Variants in TTC7B observed in about 807,000 individuals in gnomAD.
The protein encoded by TTC7B is tetratricopeptide repeat protein 7B.
TTC7B carries 28 observed loss-of-function variants against 106.8 expected under a neutral mutation model. The ratio of observed to expected loss-of-function variants is 0.26; its 90% confidence interval spans 0.19 to 0.36. The LOEUF (loss-of-function observed/expected upper bound fraction) is 0.36. Among genes scored for constraint, TTC7B ranks in the 10% least tolerant of loss-of-function variants. The probability of loss-of-function intolerance (pLI) is 1.00; values close to 1 mark genes in which losing one functional copy is unlikely to be tolerated. For missense variants in TTC7B, 862 were observed against 1,076.4 expected (o/e 0.80, Z 2.79); for synonymous variants, 405 against 430.6 (o/e 0.94, Z 0.74).
intron 9 of TTC7B, among the ~76,000 whole-genome samples, chr14:90,675,572 A>C (rs28545431): frequency 0.029 from 4,340 of 152,226 alleles, 209 homozygotes; most frequent in African/African-American, 0.1. Context: ...AGAGTCACCA[A>C]ACCATGGACT....
intron 15 of TTC7B, among the ~76,000 whole-genome samples, chr14:90,640,106 C>A (rs4900054): frequency 0.29 from 44,291 of 152,022 alleles, 7,847 homozygotes; most frequent in East Asian, 0.48. Context: ...TGGTGAAACC[C>A]CATCACTACA....
chr14:90,784,826 G>A (rs1045884719), intron 2 of TTC7B, among the ~76,000 whole-genome samples: 2 of 152,046 alleles, frequency 1.3e-5, no homozygotes, highest in South Asian at 2.1e-4. Flanking sequence ...TTGAGATGAC[G>A]CTCTCCAGCC....
At chr14:90,801,970 A>G (rs1419150801) in intron 1 of TTC7B, among the ~76,000 whole-genome samples, 1 of 152,038 alleles carries the variant, frequency 6.6e-6, no homozygotes, top group Non-Finnish European at 1.5e-5. Context: ...CTGAGGCAGG[A>G]GAATCGCTTG....
chr14:90,772,379 C>G (rs180746810), intron 3 of TTC7B, among the ~76,000 whole-genome samples: 1 of 152,246 alleles, frequency 6.6e-6, no homozygotes, highest in Admixed American at 6.5e-5. Flanking sequence ...ATACTTCATC[C>G]ATACTATGAA....
At chr14:90,814,899 T>G (rs76613249) in intron 1 of TTC7B, among the ~76,000 whole-genome samples, 2,341 of 152,246 alleles carry the variant, frequency 0.015, 19 homozygotes, top group African/African-American at 0.026. Context: ...CCATGGCACC[T>G]GCGTTCACCC....
chr14:90,804,616 G>A (rs2030494289), intron 1 of TTC7B, among the ~76,000 whole-genome samples: 1 of 152,236 alleles, frequency 6.6e-6, no homozygotes, highest in Admixed American at 6.5e-5. Flanking sequence ...CAAGCCAGCT[G>A]CAAAGGGTCT....
At chr14:90,601,791 G>A (rs139351320) in intron 17 of TTC7B, among the ~76,000 whole-genome samples, 261 of 152,228 alleles carry the variant, frequency 1.7e-3, no homozygotes, top group African/African-American at 5.9e-3. Context: ...CACCTGACTC[G>A]CCCTTAAAAC....
At chr14:90,736,274 T>C (rs994777196) in intron 4 of TTC7B, among the ~76,000 whole-genome samples, 1 of 152,104 alleles carries the variant, frequency 6.6e-6, no homozygotes, top group Non-Finnish European at 1.5e-5. Flanking sequence ...TTTTGTTTTC[T>C]GTTTTTTTAA....
rs1889202915 is a variant in TTC7B, at chr14:90,528,573, T to C, written c.*12795A>G. The C allele has an allele frequency of 6.5e-6, 1 of 152,872 alleles. No homozygotes were observed. Among genetic ancestry groups the C allele is most frequent in the Non-Finnish European group, 1.5e-5 (1 of 68,610 alleles). 9.5% of individuals were successfully genotyped at this position (152,872 alleles called of 1,614,324 possible). A position where few individuals can be genotyped will look rare whatever the true frequency, so the allele number is the denominator to read the frequency against. On this transcript the variant is annotated 3_prime_UTR_variant, in exon 20 of 20. Coordinates refer to ENST00000328459, the MANE Select transcript of TTC7B (RefSeq NM_001010854.2). ...TACCTGTTTTGATGGTTGTTTCTGA[T>C]GGCGTGACCCAACTGTGCCTCGTTA... is the stretch of plus-strand genomic sequence containing the variant.
intron 17 of TTC7B, chr14:90,603,375 A>G (rs1039329865): frequency 1.8e-6 from 2 of 1,100,512 alleles, no homozygotes; most frequent in Non-Finnish European, 2.4e-6. Context: ...ATTAAGACTA[A>G]AAAAGCGAAC....
intron 19 of TTC7B, 80 bp from the exon 20 acceptor site, chr14:90,541,669 C>T (rs1462749736): frequency 8.5e-7 from 1 of 1,170,640 alleles, no homozygotes; most frequent in African/African-American, 1.5e-5. Flanking sequence ...CTCGAGTTTC[C>T]AGTCAGTTCC....
chr14:90,545,863 G>A (rs1889807925), intron 19 of TTC7B, among the ~76,000 whole-genome samples: 1 of 152,216 alleles, frequency 6.6e-6, no homozygotes, highest in South Asian at 2.1e-4. Flanking sequence ...GTGCTCTGGT[G>A]TTCTAGGGTT....
At chr14:90,773,529 C>T (rs776449935) in intron 3 of TTC7B, among the ~76,000 whole-genome samples, 1 of 152,198 alleles carries the variant, frequency 6.6e-6, no homozygotes, top group Non-Finnish European at 1.5e-5. Flanking sequence ...CGGGATTGTT[C>T]TCAGGATAAG....
At chr14:90,731,633 C>T (rs934771924) in intron 4 of TTC7B, among the ~76,000 whole-genome samples, 4 of 152,150 alleles carry the variant, frequency 2.6e-5, no homozygotes, top group Admixed American at 6.5e-5. Context: ...CCTGACTCTC[C>T]GGGAGTTCCT....
chr14:90,717,836 G>C (rs1162342684), intron 5 of TTC7B, among the ~76,000 whole-genome samples: 4 of 152,278 alleles, frequency 2.6e-5, no homozygotes, highest in Middle Eastern at 3.4e-3. Context: ...AGCCAGAACA[G>C]GGGTGCATGC....
At chr14:90,551,112 C>T (rs1890060897) in intron 19 of TTC7B, among the ~76,000 whole-genome samples, 1 of 152,128 alleles carries the variant, frequency 6.6e-6, no homozygotes, top group Non-Finnish European at 1.5e-5. Flanking sequence ...AGAACCCACC[C>T]GCAGAGCCAA....
intron 9 of TTC7B, among the ~76,000 whole-genome samples, chr14:90,674,479 C>T (rs1427898726): frequency 6.6e-6 from 1 of 152,218 alleles, no homozygotes. Flanking sequence ...GTATCCAACC[C>T]CTAGATAAGG....
intron 17 of TTC7B, among the ~76,000 whole-genome samples, chr14:90,594,630 T>A (rs1297944193): frequency 6.6e-6 from 1 of 152,218 alleles, no homozygotes; most frequent in Non-Finnish European, 1.5e-5. Context: ...AAGTTTAGTA[T>A]GGAGATAAAC....
At chr14:90,788,590 A>G (rs1178374182) in intron 1 of TTC7B, among the ~76,000 whole-genome samples, 1 of 152,006 alleles carries the variant, frequency 6.6e-6, no homozygotes, top group Non-Finnish European at 1.5e-5. Flanking sequence ...AATCAATCTA[A>G]TCTTTTACTA....
Sources: allele counts gnomAD v4.1 joint callset (sites outside exome capture counted in the v4.1 genomes callset), GRCh38; gene constraint gnomAD v4.1.1; transcripts MANE v1.5; gene names NCBI Gene and HGNC (gene_info 2026-07-23, HGNC 2026-07-21).